Variants in LRRC4C observed in about 807,000 individuals in gnomAD.
LRRC4C encodes the protein leucine rich repeat containing 4C.
In LRRC4C, 5 loss-of-function variants were observed where a neutral mutation model predicts 33.6. That is an observed-to-expected ratio of 0.15 (90% CI 0.08 to 0.31). The LOEUF is 0.31. Among genes scored for constraint, LRRC4C ranks in the 10% least tolerant of loss-of-function variants. LRRC4C has a pLI of 1.00. For synonymous variants in LRRC4C, 329 were observed against 302.0 expected, an observed-to-expected ratio of 1.09 and a Z score of -0.93; for missense variants, 560 against 796.7, an observed-to-expected ratio of 0.70 and a Z score of 3.58.
chr11:40,279,362 C>G (rs566747863), intron 4 of LRRC4C, among the ~76,000 whole-genome samples: 1 of 152,174 alleles, frequency 6.6e-6, no homozygotes, highest in African/African-American at 2.4e-5. Flanking sequence ...TTCCAAACTA[C>G]AGCGCTATAC....
intron 3 of LRRC4C, among the ~76,000 whole-genome samples, chr11:40,388,951 T>G (rs965878350): frequency 2.6e-5 from 4 of 152,128 alleles, no homozygotes; most frequent in African/African-American, 7.2e-5. Flanking sequence ...TTTGTAATAT[T>G]AGTCACGTGT....
chr11:40,665,093 G>A (rs1224876380), intron 2 of LRRC4C, among the ~76,000 whole-genome samples: 1 of 151,230 alleles, frequency 6.6e-6, no homozygotes, highest in Non-Finnish European at 1.5e-5. Context: ...TTTATCTTCT[G>A]GTAGGATACT....
chr11:40,409,748 T>C (rs1458189788), intron 3 of LRRC4C, among the ~76,000 whole-genome samples: 2 of 152,006 alleles, frequency 1.3e-5, no homozygotes, highest in African/African-American at 4.8e-5. Context: ...TTAGAAATGA[T>C]GTGGAGAAAG....
intron 2 of LRRC4C, among the ~76,000 whole-genome samples, chr11:40,850,204 G>C (rs1591883570): frequency 6.6e-6 from 1 of 151,904 alleles, no homozygotes; most frequent in Non-Finnish European, 1.5e-5. Context: ...CTTTGGAGGA[G>C]AAGGGGCATT....
intron 3 of LRRC4C, among the ~76,000 whole-genome samples, chr11:40,601,307 C>A (rs1383482950): frequency 1.3e-5 from 2 of 152,170 alleles, no homozygotes; most frequent in East Asian, 3.8e-4. Flanking sequence ...TAAGTACTAC[C>A]AGCTCTTCAC....
chr11:41,120,034 T>G (rs1275864871), intron 1 of LRRC4C, among the ~76,000 whole-genome samples: 1 of 152,112 alleles, frequency 6.6e-6, no homozygotes, highest in East Asian at 1.9e-4. Context: ...CCATTCTGAT[T>G]TCGTCTCAGT....
chr11:40,231,914 G>T (rs563154489), intron 5 of LRRC4C, among the ~76,000 whole-genome samples: 19 of 152,202 alleles, frequency 1.2e-4, no homozygotes, highest in African/African-American at 4.6e-4. Context: ...AAGATGTGCA[G>T]GTTTGTTACA....
chr11:40,439,786 C>G (rs1305190825), intron 3 of LRRC4C, among the ~76,000 whole-genome samples: 2 of 152,072 alleles, frequency 1.3e-5, no homozygotes, highest in Non-Finnish European at 2.9e-5. Context: ...GAAGTAGTTA[C>G]TACTACTAAC....
At chr11:40,311,776 C>T (rs1230637641) in intron 4 of LRRC4C, among the ~76,000 whole-genome samples, 1 of 151,906 alleles carries the variant, frequency 6.6e-6, no homozygotes, top group Non-Finnish European at 1.5e-5. Context: ...GAAACCCTGT[C>T]TCTACTGAAA....
At chr11:40,139,998 A>G (rs1420517903) in intron 6 of LRRC4C, among the ~76,000 whole-genome samples, 1 of 152,168 alleles carries the variant, frequency 6.6e-6, no homozygotes, top group Non-Finnish European at 1.5e-5. Context: ...TCACTAGACA[A>G]ACATGTAGTT....
At chr11:40,193,861 T>C (rs1326156990) in intron 5 of LRRC4C, among the ~76,000 whole-genome samples, 2 of 152,022 alleles carry the variant, frequency 1.3e-5, no homozygotes, top group East Asian at 1.9e-4. Flanking sequence ...ATATCCGAGA[T>C]TGAAGATCAA....
intron 1 of LRRC4C, among the ~76,000 whole-genome samples, chr11:40,939,903 C>T (rs933469392): frequency 1.3e-5 from 2 of 152,054 alleles, no homozygotes; most frequent in Non-Finnish European, 2.9e-5. Context: ...TTTACTTTGC[C>T]CCTGTATTCC....
chr11:41,048,563 C>T (rs1383190951), intron 1 of LRRC4C, among the ~76,000 whole-genome samples: 9 of 151,736 alleles, frequency 5.9e-5, no homozygotes, highest in Admixed American at 2.0e-4. Flanking sequence ...GCGCCCAGCC[C>T]GATTCTGTAT....
intron 2 of LRRC4C, among the ~76,000 whole-genome samples, chr11:40,702,608 T>TC (rs1565651891): frequency 6.6e-6 from 1 of 152,166 alleles, no homozygotes; most frequent in African/African-American, 2.4e-5. Context: ...TTCCCTGTCC[T>TC]CATGAGCACA....
chr11:41,323,620 A>T (rs1338280416), intron 1 of LRRC4C, among the ~76,000 whole-genome samples: 1 of 152,180 alleles, frequency 6.6e-6, no homozygotes, highest in East Asian at 1.9e-4. Flanking sequence ...TTCCCTACGC[A>T]GTCTGTTAGC....
At chr11:40,565,614 G>A (rs569951082) in intron 3 of LRRC4C, among the ~76,000 whole-genome samples, 30 of 152,126 alleles carry the variant, frequency 2.0e-4, no homozygotes, top group African/African-American at 6.3e-4. Flanking sequence ...TGACAGTTGC[G>A]ACATCCAATT....
chr11:40,265,201 G>GT (rs1421312249), intron 4 of LRRC4C, among the ~76,000 whole-genome samples: 2 of 152,094 alleles, frequency 1.3e-5, no homozygotes, highest in Non-Finnish European at 2.9e-5. Context: ...CTGTGCCCAT[G>GT]TTTTTTCCCT....
At chr11:40,974,747 G>A (rs1851963774) in intron 1 of LRRC4C, among the ~76,000 whole-genome samples, 1 of 152,190 alleles carries the variant, frequency 6.6e-6, no homozygotes, top group East Asian at 1.9e-4. Flanking sequence ...ACTGCCTGCA[G>A]TGTGAGTGGA....
intron 1 of LRRC4C, among the ~76,000 whole-genome samples, chr11:41,049,816 G>A (rs908000876): frequency 5.3e-5 from 8 of 152,172 alleles, no homozygotes; most frequent in Non-Finnish European, 1.2e-4. Flanking sequence ...TGGCTTACAT[G>A]TACAGAGTGA....
Sources: gnomAD v4.1 joint callset for allele counts (sites outside exome capture counted in the v4.1 genomes callset) on GRCh38, gnomAD v4.1.1 for gene constraint, MANE v1.5 for transcripts, NCBI Gene and HGNC (gene_info 2026-07-23, HGNC 2026-07-21) for gene names.